SLIT2: variants seen among roughly 807,000 people sequenced by gnomAD.
SLIT2 encodes slit guidance ligand 2.
Under a neutral mutation model 185.7 loss-of-function variants are expected in SLIT2, and 41 were observed. The ratio of observed to expected loss-of-function variants is 0.22; its 90% CI spans 0.17 to 0.29. The LOEUF (loss-of-function observed/expected upper bound fraction) is 0.29, where lower values mean the gene tolerates loss of function less well. SLIT2 is among the 10% of genes least tolerant of loss of function. The probability of loss-of-function intolerance (pLI) is 1.00; values close to 1 mark genes in which losing one functional copy is unlikely to be tolerated. For synonymous variants in SLIT2, 693 were observed against 680.2 expected, an observed-to-expected ratio of 1.02 and a Z score of -0.29; for missense variants, 1,571 against 1,909.0, an observed-to-expected ratio of 0.82 and a Z score of 3.30.
intron 4 of SLIT2, among the ~76,000 whole-genome samples, chr4:20,397,919 C>A (rs2109389326): frequency 6.6e-6 from 1 of 151,750 alleles, no homozygotes; most frequent in Middle Eastern, 3.4e-3. Context: ...AAGATGATAC[C>A]CATGGTGTGC....
intron 4 of SLIT2, among the ~76,000 whole-genome samples, chr4:20,407,229 G>A (rs932952414): frequency 6.6e-6 from 1 of 152,026 alleles, no homozygotes; most frequent in Non-Finnish European, 1.5e-5. Flanking sequence ...AGTCCATTTT[G>A]TTAAGCTTCA....
chr4:20,528,519 T>A lies in SLIT2; in HGVS notation c.1463-430T>A. ...GAATAGTAAAAAGTCCATAGAAAAT[T>A]TAAAAGCCTGAGTATATCTATTTGC... On this transcript the variant is annotated intron_variant, in intron 15 of 36. Coordinates refer to ENST00000504154, the MANE Select transcript of SLIT2 (RefSeq NM_004787.4). The surrounding 1 kb of genome is among the most constrained non-coding windows in gnomAD (Gnocchi z 4.2). 1 of 354,300 alleles carries A rather than the reference T, an allele frequency of 2.8e-6. No homozygotes were observed. The highest frequency in any genetic ancestry group is 5.5e-6 in the Non-Finnish European group (1 of 180,402). The allele number at this position is 354,300 out of a possible 1,614,324, so 21.9% of individuals were successfully genotyped here. A position where few individuals can be genotyped will look rare whatever the true frequency, so the allele number is the denominator to read the frequency against.
chr4:20,530,728 C>T (rs1445517190), intron 16 of SLIT2, among the ~76,000 whole-genome samples: 1 of 151,836 alleles, frequency 6.6e-6, no homozygotes, highest in Non-Finnish European at 1.5e-5. Context: ...AAAATATTTG[C>T]AAGTCATGTA....
At chr4:20,615,406 A>G (rs544805816) in intron 34 of SLIT2, 1 of 152,326 alleles carries the variant, frequency 6.6e-6, no homozygotes, top group African/African-American at 2.4e-5. Flanking sequence ...GTAGATATTT[A>G]GATTTCTGCA....
chr4:20,363,886 C>T (rs1048786945), intron 4 of SLIT2, among the ~76,000 whole-genome samples: 4 of 152,044 alleles, frequency 2.6e-5, no homozygotes, highest in Non-Finnish European at 5.9e-5. Context: ...TTTCTGTCTT[C>T]GAAAGGATTG....
At chr4:20,305,918 A>G (rs1364961253) in intron 4 of SLIT2, among the ~76,000 whole-genome samples, 6 of 133,878 alleles carry the variant, frequency 4.5e-5, no homozygotes, top group South Asian at 4.6e-4. Flanking sequence ...TAATAATAAT[A>G]ATAATCCTAA....
chr4:20,410,748 G>C lies in SLIT2; in HGVS notation c.396-57004G>C, dbSNP rs186665233. ...TTGTAGGTGTGCAGTCTTATTTCTG[G>C]GTTCTGTATTCTGTTCCCTTGGTCT... On this transcript the variant is annotated intron_variant, in intron 4 of 36. Transcript: ENST00000504154. Among the ~76,000 whole-genome samples the C allele has an allele frequency of 4.9e-4, 75 of 152,000 alleles. 1 individual carries two copies. In the East Asian group the frequency reaches 0.012, roughly 24 times the overall value.
chr4:20,448,162 C>T (rs982909460), intron 4 of SLIT2, among the ~76,000 whole-genome samples: 1 of 152,052 alleles, frequency 6.6e-6, no homozygotes, highest in Admixed American at 6.6e-5. Context: ...CCTAATCCTT[C>T]GAGATATTAA....
intron 5 of SLIT2, among the ~76,000 whole-genome samples, chr4:20,472,255 GATCT>G (rs1283733631): frequency 3.2e-4 from 7 of 21,898 alleles, no homozygotes; most frequent in Non-Finnish European, 6.0e-4. Flanking sequence ...TCTATATATA[GATCT>G]ATATATAGAT....
At chr4:20,506,749 G>A (rs1393993492) in intron 9 of SLIT2, among the ~76,000 whole-genome samples, 1 of 151,896 alleles carries the variant, frequency 6.6e-6, no homozygotes, top group East Asian at 1.9e-4. Flanking sequence ...CTAAATAAGA[G>A]AGAACAGACA....
chr4:20,524,321 G>C, intron 14 of SLIT2, 144 bp downstream of exon 14: 1 of 707,166 alleles, frequency 1.4e-6, no homozygotes. Flanking sequence ...AAAATAAAGA[G>C]GACTGTAGAC....
chr4:20,529,368 G>A (rs1721583652), intron 16 of SLIT2, among the ~76,000 whole-genome samples: 1 of 152,050 alleles, frequency 6.6e-6, no homozygotes, highest in Non-Finnish European at 1.5e-5. Context: ...GTATTTATTT[G>A]ATGCTTATTT....
At chr4:20,555,259 A>G (rs1258270324) in intron 26 of SLIT2, among the ~76,000 whole-genome samples, 1 of 152,100 alleles carries the variant, frequency 6.6e-6, no homozygotes, top group Admixed American at 6.5e-5. Flanking sequence ...AACCTAACTA[A>G]AAAGATAAGC....
chr4:20,557,784 C>A (rs1724384900), intron 26 of SLIT2, among the ~76,000 whole-genome samples: 1 of 151,980 alleles, frequency 6.6e-6, no homozygotes, highest in South Asian at 2.1e-4. Context: ...AAAAGATTCA[C>A]CATTCTAGAT....
chr4:20,327,611 A>G (rs1201552180), intron 4 of SLIT2, among the ~76,000 whole-genome samples: 15 of 152,038 alleles, frequency 9.9e-5, no homozygotes, highest in Admixed American at 9.8e-4. Context: ...GAGCTTTAAA[A>G]TCATAATTTT....
intron 34 of SLIT2, among the ~76,000 whole-genome samples, chr4:20,611,120 T>C (rs1729182384): frequency 6.6e-6 from 1 of 152,230 alleles, no homozygotes; most frequent in South Asian, 2.1e-4. Flanking sequence ...ATTTTACAGA[T>C]AAATAAGTAA....
chr4:20,310,172 C>G (rs1717971125), intron 4 of SLIT2, among the ~76,000 whole-genome samples: 1 of 152,090 alleles, frequency 6.6e-6, no homozygotes, highest in Non-Finnish European at 1.5e-5. Context: ...CTTTCTTACT[C>G]TTTTTTAATG....
In SLIT2 at chr4:20,569,009, AAAT is replaced by A. The variant is rs1560202827; in HGVS notation, c.3088+10_3088+12del. 1.9e-6 allele frequency: 3 copies of A among 1,609,928 alleles called. No individual in the cohort carries two copies. Among genetic ancestry groups the A allele is most frequent in the Non-Finnish European group, 2.5e-6 (3 of 1,176,946 alleles). The stretch of plus-strand genomic sequence containing the variant: ...TTTGCCCACCTGAGTATACAGGTAC[AAAT>A]AATAGGAAATATTTTGCCTTCCATC... On this transcript the variant is annotated splice_donor_region_variant and intron_variant, in intron 29 of 36. Coordinates refer to ENST00000504154, the MANE Select transcript of SLIT2 (RefSeq NM_004787.4).
chr4:20,480,774 G>T lies in SLIT2; in HGVS notation c.526G>T (p.Asp176Tyr). The T allele has an allele frequency of 6.2e-7, 1 of 1,612,562 alleles. No individual in the cohort carries two copies. The highest frequency in any genetic ancestry group is 1.1e-5 in the South Asian group (1 of 91,042). The change falls in exon 6 of 37, where the codon GAC becomes TAC. Residue 176 changes from aspartate (D) to tyrosine (Y), a missense_variant. By Grantham distance (160) the Asp-to-Tyr change is radical. Around this residue, in one of 3 missense-constraint regions of SLIT2, gnomAD observed 1,202 missense variants for 1,416.4 expected, o/e 0.85. Transcript: ENST00000504154. ...IEDGAFRALRDLEVLTLNNNN... is the reference protein window; with the variant it reads ...IEDGAFRALRYLEVLTLNNNN... Reference sequence around the variant, plus strand: ...AGATGGGGCATTCAGGGCTCTCCGGGACCTGGAAGTGCTGTAAGTACTGCT... The same window carrying T: ...AGATGGGGCATTCAGGGCTCTCCGGTACCTGGAAGTGCTGTAAGTACTGCT...
Sources: gnomAD v4.1 joint callset for allele counts (sites outside exome capture counted in the v4.1 genomes callset) on GRCh38, gnomAD v4.1.1 for gene constraint, gnomAD v4.1.1 regional missense constraint, Gnocchi (gnomAD v3.1) non-coding constraint, MANE v1.5 for transcripts, NCBI Gene and HGNC (gene_info 2026-07-23, HGNC 2026-07-21) for gene names.